Variants in TMEM135 observed in about 807,000 individuals in gnomAD.
The protein encoded by TMEM135 is transmembrane protein 135, also known as peroxisomal membrane protein 52.
In TMEM135, 30 loss-of-function variants were observed where a neutral mutation model predicts 60.3. That is an observed-to-expected ratio of 0.50 (90% confidence interval 0.37 to 0.68). TMEM135 has a LOEUF of 0.68. TMEM135 is among the 30% of genes least tolerant of loss of function. The probability of loss-of-function intolerance (pLI) is 0.00; values close to 1 mark genes in which losing one functional copy is unlikely to be tolerated. For synonymous variants in TMEM135, 190 were observed against 186.7 expected, an observed-to-expected ratio of 1.02 and a Z score of -0.14; for missense variants, 468 against 548.8, an observed-to-expected ratio of 0.85 and a Z score of 1.47.
chr11:87,172,469 G>C (rs760880985), intron 5 of TMEM135, among the ~76,000 whole-genome samples: 12 of 151,354 alleles, frequency 7.9e-5, no homozygotes, highest in Non-Finnish European at 1.3e-4. Flanking sequence ...CACGGTATTA[G>C]GTATTCTGAA....
At chr11:87,264,765 A>G (rs1225345254) in intron 6 of TMEM135, among the ~76,000 whole-genome samples, 1 of 151,918 alleles carries the variant, frequency 6.6e-6, no homozygotes, top group Admixed American at 6.6e-5. Flanking sequence ...AGTCAAAAAA[A>G]TCTTAAACTT....
At chr11:87,275,657 A>G (rs1941954036) in intron 6 of TMEM135, among the ~76,000 whole-genome samples, 1 of 151,854 alleles carries the variant, frequency 6.6e-6, no homozygotes, top group Admixed American at 6.6e-5. Flanking sequence ...ATTATTTATT[A>G]TTTATTATTT....
chr11:87,198,258 G>A (rs779587082), intron 5 of TMEM135, among the ~76,000 whole-genome samples: 18 of 152,064 alleles, frequency 1.2e-4, no homozygotes, highest in Non-Finnish European at 2.5e-4. Context: ...GTCAAAATCC[G>A]TTTTACAATT....
chr11:87,213,457 A>G (rs1940424723), intron 5 of TMEM135, among the ~76,000 whole-genome samples: 1 of 152,212 alleles, frequency 6.6e-6, no homozygotes, highest in African/African-American at 2.4e-5. Flanking sequence ...TTTCTGGACC[A>G]TTTGCTTCTA....
At chr11:87,167,226 A>C (rs1337612931) in intron 5 of TMEM135, among the ~76,000 whole-genome samples, 2 of 152,152 alleles carry the variant, frequency 1.3e-5, no homozygotes, top group Non-Finnish European at 2.9e-5. Context: ...GGGGTTTTCT[A>C]AATATACAAT....
At chr11:87,154,082 C>T (rs960904868) in intron 4 of TMEM135, among the ~76,000 whole-genome samples, 6 of 152,168 alleles carry the variant, frequency 3.9e-5, no homozygotes, top group African/African-American at 1.4e-4. Context: ...CTATCCATCT[C>T]CAGAACTTTG....
chr11:87,312,992 G>A (rs531667494), intron 10 of TMEM135, among the ~76,000 whole-genome samples: 44 of 151,816 alleles, frequency 2.9e-4, no homozygotes, highest in African/African-American at 8.4e-4. Context: ...TGCTGGTGGT[G>A]GATTTTCTCA....
chr11:87,151,912 A>G (rs1938564725), intron 4 of TMEM135, among the ~76,000 whole-genome samples: 1 of 152,122 alleles, frequency 6.6e-6, no homozygotes, highest in South Asian at 2.1e-4. Context: ...TGCCCTAATT[A>G]TCCTACCTCT....
intron 6 of TMEM135, among the ~76,000 whole-genome samples, chr11:87,286,477 G>T (rs1234063952): frequency 1.3e-5 from 2 of 152,230 alleles, no homozygotes; most frequent in Non-Finnish European, 2.9e-5. Context: ...CCCTGCGCCA[G>T]GGCCACGGGC....
At chr11:87,163,100 A>G (rs1938934493) in intron 5 of TMEM135, among the ~76,000 whole-genome samples, 1 of 150,154 alleles carries the variant, frequency 6.7e-6, no homozygotes. Context: ...GGTTAGTTAC[A>G]TATGTATACA....
At chr11:87,277,425 C>G (rs1278401117) in intron 6 of TMEM135, 1 of 188,798 alleles carries the variant, frequency 5.3e-6, no homozygotes, top group East Asian at 1.8e-4. Flanking sequence ...GCCACTGTGC[C>G]TGGCCCAAAA....
At chr11:87,145,401 A>G in intron 4 of TMEM135, among the ~76,000 whole-genome samples, 1 of 152,198 alleles carries the variant, frequency 6.6e-6, no homozygotes, top group Non-Finnish European at 1.5e-5. Context: ...AGGGGTGCAG[A>G]CATCTCTTCA....
intron 6 of TMEM135, among the ~76,000 whole-genome samples, chr11:87,265,692 A>AGGTGTT (rs1941734183): frequency 6.6e-6 from 1 of 152,086 alleles, no homozygotes; most frequent in East Asian, 1.9e-4. Flanking sequence ...TAACTTTAAA[A>AGGTGTT]TAGTGTTTAG....
intron 5 of TMEM135, among the ~76,000 whole-genome samples, chr11:87,184,075 A>T (rs568186417): frequency 1.3e-5 from 2 of 151,728 alleles, no homozygotes; most frequent in East Asian, 3.9e-4. Context: ...TTTTTCAAGT[A>T]TTTTAGAATG....
intron 4 of TMEM135, among the ~76,000 whole-genome samples, chr11:87,129,213 A>T (rs1342073016): frequency 8.6e-6 from 1 of 116,168 alleles, no homozygotes; most frequent in Non-Finnish European, 1.9e-5. Flanking sequence ...TTATTCCTTA[A>T]TTTTTTTTTT....
At chr11:87,153,253 A>G (rs184500244) in intron 4 of TMEM135, among the ~76,000 whole-genome samples, 113 of 152,208 alleles carry the variant, frequency 7.4e-4, no homozygotes, top group Admixed American at 2.7e-3. Flanking sequence ...TGCACTCTCA[A>G]CCATCTCATG....
chr11:87,053,372 G>A (rs1590981279), intron 1 of TMEM135, among the ~76,000 whole-genome samples: 1 of 152,164 alleles, frequency 6.6e-6, no homozygotes, highest in African/African-American at 2.4e-5. Context: ...GCAGACTTAT[G>A]TTGTATAAAT....
At position 87,201,950 on chromosome 11, in the gene TMEM135, TTTATGTTATGTTATG is replaced by T. The variant is rs71040298; in HGVS notation, c.463-34641_463-34627del. Among the ~76,000 whole-genome samples, 411 of 137,918 alleles carry T rather than the reference TTTATGTTATGTTATG, an allele frequency of 3.0e-3. 3 individuals are homozygous for T. Among genetic ancestry groups the T allele is most frequent in the African/African-American group, 5.3e-3 (196 of 37,164 alleles). 90.5% of individuals were successfully genotyped at this position (137,918 alleles called of 152,430 possible). ...ATGCATTCACTTTTGGTATTTATTT[TTTATGTTATGTTATG>T]TTATGTTATGTTATGTTATGTTATG... On this transcript the variant is annotated intron_variant, in intron 5 of 14. Coordinates refer to ENST00000305494, the MANE Select transcript of TMEM135 (RefSeq NM_022918.4).
At chr11:87,236,756 CTAAAG>C in intron 6 of TMEM135, 72 bp downstream of exon 6, 1 of 1,404,640 alleles carries the variant, frequency 7.1e-7, no homozygotes, top group African/African-American at 1.4e-5. Context: ...AACCACGAAA[CTAAAG>C]TATTCTCCAA....
Sources: allele counts gnomAD v4.1 joint callset (sites outside exome capture counted in the v4.1 genomes callset), GRCh38; gene constraint gnomAD v4.1.1; transcripts MANE v1.5; gene names NCBI Gene and HGNC (gene_info 2026-07-23, HGNC 2026-07-21).